The following NF2 variants were observed in gnomAD, a reference collection of about 807,000 sequenced individuals.
The protein encoded by NF2 is merlin.
A neutral mutation model predicts 83.7 loss-of-function variants in NF2; 8 were observed. The observed-to-expected ratio is 0.10, with a 90% CI of 0.06 to 0.17. NF2 has a LOEUF of 0.17. Ranked by LOEUF, NF2 falls within the 10% of genes least tolerant of loss-of-function variation. The pLI is 1.00. For synonymous variants in NF2, 266 were observed against 269.6 expected, an observed-to-expected ratio of 0.99 and a Z score of 0.13; for missense variants, 533 against 744.4, an observed-to-expected ratio of 0.72 and a Z score of 3.31.
intron 14 of NF2, among the ~76,000 whole-genome samples, chr22:29,678,749 A>G (rs73390933): frequency 0.032 from 4,934 of 152,306 alleles, 273 homozygotes; most frequent in African/African-American, 0.11. Context: ...AGGTGAGAGA[A>G]GAGACTCAGG....
intron 15 of NF2, among the ~76,000 whole-genome samples, chr22:29,691,771 C>T (rs1027521368): frequency 3.3e-5 from 5 of 152,208 alleles, no homozygotes; most frequent in African/African-American, 9.6e-5. Flanking sequence ...TTGCATGCTC[C>T]GCGGGGTGGC....
At chr22:29,638,526 A>G (rs964218399) in intron 2 of NF2, among the ~76,000 whole-genome samples, 2 of 151,792 alleles carry the variant, frequency 1.3e-5, no homozygotes, top group African/African-American at 4.8e-5. Context: ...AATTTTTTGT[A>G]TTTTTAGTAG....
Position 29,698,577 on chromosome 22 carries a change from A to T in NF2, c.*3775A>T, listed in dbSNP as rs966974859. 5.4e-6 allele frequency: 1 copy of T among 183,990 alleles called. No individual in the cohort carries two copies. Among genetic ancestry groups the T allele is most frequent in the African/African-American group, 2.3e-5 (1 of 42,610 alleles). 11.4% of individuals were successfully genotyped at this position (183,990 alleles called of 1,614,324 possible). On this transcript the variant is annotated 3_prime_UTR_variant, in exon 16 of 16. Transcript: ENST00000338641. ...GATTATAACTTAAATGATTGTTTTA[A>T]TAAAAATTCTAAGCTGGAAAATACT... is the stretch of plus-strand genomic sequence containing the variant.
intron 7 of NF2, among the ~76,000 whole-genome samples, chr22:29,659,383 A>G (rs1233980553): frequency 6.6e-6 from 1 of 152,156 alleles, no homozygotes; most frequent in Non-Finnish European, 1.5e-5. Flanking sequence ...GAGTTTTGCT[A>G]TATCGCCCAG....
chr22:29,656,462 G>T (rs1404329418), intron 6 of NF2, among the ~76,000 whole-genome samples: 3 of 140,694 alleles, frequency 2.1e-5, no homozygotes, highest in Non-Finnish European at 3.0e-5. Flanking sequence ...ACCCAGGCTG[G>T]AGTGCAGTGG....
intron 1 of NF2, among the ~76,000 whole-genome samples, chr22:29,605,141 C>T (rs934401790): frequency 2.1e-5 from 3 of 145,740 alleles, no homozygotes; most frequent in African/African-American, 5.1e-5. Flanking sequence ...TGTGCCACCA[C>T]ACCTGGCTAA....
chr22:29,656,493 T>C (rs1781835478), intron 6 of NF2, among the ~76,000 whole-genome samples: 1 of 139,376 alleles, frequency 7.2e-6, no homozygotes, highest in Non-Finnish European at 1.5e-5. Flanking sequence ...GCTCACTGCA[T>C]CTCCGCCTCC....
chr22:29,694,766 C>T lies in NF2; in HGVS notation c.1752C>T (p.Ser584=), dbSNP rs370999558. 20 of 1,613,692 alleles carry T rather than the reference C, an allele frequency of 1.2e-5. No individual in the cohort carries two copies. The highest frequency in any genetic ancestry group is 5.0e-5 in the Admixed American group (3 of 59,958). ...HNTIKKLTLQ[S]AKSRVAFFEE... ...CTTTCTTACAGCTCACCTTGCAGAG[C>T]GCCAAGTCCCGAGTGGCCTTCTTTG... The change falls in exon 16 of 16, where the codon AGC becomes AGT. Residue 584 remains serine (S), a synonymous_variant. Transcript: ENST00000338641. The surrounding 1 kb of genome is among the most constrained non-coding windows in gnomAD (Gnocchi z 4.1).
intron 1 of NF2, among the ~76,000 whole-genome samples, chr22:29,610,959 AT>A (rs1373925020): frequency 6.6e-6 from 1 of 152,226 alleles, no homozygotes; most frequent in African/African-American, 2.4e-5. Flanking sequence ...ACATATAAAA[AT>A]AATTATATAC....
chr22:29,674,826 T>G lies in NF2; in HGVS notation c.1341-10T>G, dbSNP rs2147091746. On this transcript the variant is annotated splice_polypyrimidine_tract_variant and intron_variant, in intron 12 of 15. Transcript: ENST00000338641. The stretch of plus-strand genomic sequence containing the variant: ...TTCTGTGAAGCTGACATCTCATCCT[T>G]TCCTTGCAGGGCCAAAGAGGCAGAT... 1 of 1,553,040 alleles carries G rather than the reference T, an allele frequency of 6.4e-7. No homozygotes were observed.
chr22:29,679,940 G>A (rs991422290), intron 14 of NF2, among the ~76,000 whole-genome samples: 5 of 151,946 alleles, frequency 3.3e-5, no homozygotes, highest in East Asian at 1.9e-4. Flanking sequence ...ATCAAGGCAC[G>A]GGCAGAGGTG....
intron 1 of NF2, among the ~76,000 whole-genome samples, chr22:29,609,833 A>G (rs929348704): frequency 2.6e-5 from 4 of 152,206 alleles, no homozygotes; most frequent in African/African-American, 9.6e-5. Flanking sequence ...TAGCTACACT[A>G]TAAAAACAAT....
intron 15 of NF2, among the ~76,000 whole-genome samples, chr22:29,688,796 C>G (rs1156640044): frequency 6.6e-6 from 1 of 152,344 alleles, no homozygotes; most frequent in East Asian, 1.9e-4. Context: ...TTCGTTCCAC[C>G]TCTGTGTAGG....
At chr22:29,673,107 G>A (rs554404926) in intron 11 of NF2, among the ~76,000 whole-genome samples, 162 bp from the exon 12 acceptor site, 51 of 152,350 alleles carry the variant, frequency 3.3e-4, no homozygotes, top group African/African-American at 1.2e-3. Context: ...AAAAGTTGGG[G>A]AATGTGGCTT....
chr22:29,605,517 C>T (rs368777165), intron 1 of NF2, among the ~76,000 whole-genome samples: 3 of 152,110 alleles, frequency 2.0e-5, no homozygotes, highest in Admixed American at 6.6e-5. Context: ...GCCATGTTGC[C>T]CAGGCTGATC....
At chr22:29,627,373 A>G (rs1217757301) in intron 1 of NF2, among the ~76,000 whole-genome samples, 5 of 152,172 alleles carry the variant, frequency 3.3e-5, no homozygotes, top group Non-Finnish European at 7.3e-5. Context: ...GCTAAATTCC[A>G]AAGATATTGT....
chr22:29,627,333 A>G (rs564324120), intron 1 of NF2, among the ~76,000 whole-genome samples: 52 of 152,326 alleles, frequency 3.4e-4, no homozygotes, highest in Non-Finnish European at 6.2e-4. Flanking sequence ...CTGTTTGACT[A>G]TATGAGCTAT....
At position 29,678,289 on chromosome 22, in the gene NF2, A is replaced by C. The variant is rs201527155; in HGVS notation, c.1540A>C (p.Met514Leu). 1 of 1,614,122 alleles carries C rather than the reference A, an allele frequency of 6.2e-7. No homozygotes were observed. Among genetic ancestry groups the C allele is most frequent in the Non-Finnish European group, 8.5e-7 (1 of 1,179,970 alleles). The change falls in exon 14 of 16, where the codon ATG (methionine) becomes CTG (leucine). Residue 514 changes from methionine (M) to leucine (L), a missense_variant. Met to Leu is a conservative substitution (Grantham distance 15). Coordinates refer to ENST00000338641, the MANE Select transcript of NF2 (RefSeq NM_000268.4). ...SLSFDFKDTDMKRLSMEIEKE... is the reference protein window; with the variant it reads ...SLSFDFKDTDLKRLSMEIEKE... ...GTCTTTCGACTTCAAAGATACTGACATGAAGCGGCTTTCCATGGAGATAGA... is the reference window on the plus strand; with the variant it reads ...GTCTTTCGACTTCAAAGATACTGACCTGAAGCGGCTTTCCATGGAGATAGA...
chr22:29,652,949 C>T (rs1278030513), intron 4 of NF2, among the ~76,000 whole-genome samples: 1 of 152,160 alleles, frequency 6.6e-6, no homozygotes. Context: ...TAGACAGGGT[C>T]TTCCACTGTC....
Sources: gnomAD v4.1 joint callset for allele counts (sites outside exome capture counted in the v4.1 genomes callset) on GRCh38, gnomAD v4.1.1 for gene constraint, Gnocchi (gnomAD v3.1) non-coding constraint, MANE v1.5 for transcripts, NCBI Gene and HGNC (gene_info 2026-07-23, HGNC 2026-07-21) for gene names.